Variants in TCEA1 observed in about 807,000 individuals in gnomAD.
TCEA1 encodes transcription elongation factor A protein 1.
In TCEA1, 21 loss-of-function variants were observed where a neutral mutation model predicts 43.8. That is an observed-to-expected ratio of 0.48 (90% CI 0.34 to 0.69). The LOEUF (loss-of-function observed/expected upper bound fraction) is 0.69, where lower values mean the gene tolerates loss of function less well. TCEA1 is among the 30% of genes least tolerant of loss of function. The pLI, the probability that TCEA1 is intolerant of heterozygous loss-of-function variation, is 0.01. For synonymous variants in TCEA1, 104 were observed against 117.5 expected, an observed-to-expected ratio of 0.88 and a Z score of 0.75; for missense variants, 250 against 365.1, an observed-to-expected ratio of 0.68 and a Z score of 2.57.
At chr8:53,977,225 CAGG>C (rs1190879282) in intron 8 of TCEA1, among the ~76,000 whole-genome samples, 5 of 152,148 alleles carry the variant, frequency 3.3e-5, no homozygotes, top group African/African-American at 7.2e-5. Flanking sequence ...GAGGCTGAGG[CAGG>C]AGAACGGCGT....
chr8:53,972,715 C>CTAT, intron 8 of TCEA1: 4 of 673,014 alleles, frequency 5.9e-6, no homozygotes, highest in South Asian at 5.4e-5. Context: ...GACTGGACCT[C>CTAT]TAGAGAAAAA....
intron 8 of TCEA1, chr8:53,973,307 T>C (rs1341912878): frequency 9.5e-6 from 5 of 524,058 alleles, no homozygotes; most frequent in African/African-American, 7.8e-5. Flanking sequence ...TGCAAAGAGA[T>C]GGTCAAGAAC....
intron 2 of TCEA1, among the ~76,000 whole-genome samples, chr8:54,001,384 G>A (rs930237872): frequency 6.6e-6 from 1 of 152,096 alleles, no homozygotes; most frequent in Admixed American, 6.6e-5. Context: ...AACAGATTCA[G>A]GATCTAAGTT....
chr8:54,004,137 G>A (rs1230361026), intron 2 of TCEA1, among the ~76,000 whole-genome samples: 2 of 152,148 alleles, frequency 1.3e-5, no homozygotes, highest in Non-Finnish European at 2.9e-5. Context: ...ACAACAACAA[G>A]TGTTTGCAAG....
At chr8:53,988,316 A>C in intron 4 of TCEA1, 57 bp from the exon 5 acceptor site, 1 of 1,572,922 alleles carries the variant, frequency 6.4e-7, no homozygotes, top group Non-Finnish European at 8.6e-7. Context: ...TCAAAGTAAC[A>C]ATACTACTAT....
chr8:53,982,293 G>A (rs1418072523), intron 7 of TCEA1, among the ~76,000 whole-genome samples: 2 of 152,016 alleles, frequency 1.3e-5, no homozygotes, highest in African/African-American at 4.8e-5. Flanking sequence ...ACTTTGAGGG[G>A]TTTGACTTCA....
At chr8:53,981,908 C>A (rs1027108013) in intron 7 of TCEA1, among the ~76,000 whole-genome samples, 1 of 151,020 alleles carries the variant, frequency 6.6e-6, no homozygotes, top group Non-Finnish European at 1.5e-5. Context: ...ACGCACCACA[C>A]CATGCCCAGC....
At chr8:53,984,791 G>A (rs948903470) in intron 6 of TCEA1, among the ~76,000 whole-genome samples, 5 of 151,842 alleles carry the variant, frequency 3.3e-5, no homozygotes, top group Non-Finnish European at 5.9e-5. Context: ...GCTGAGGCAG[G>A]ACAACCACTT....
intron 1 of TCEA1, 101 bp downstream of exon 1, chr8:54,021,962 G>T: frequency 1.7e-6 from 2 of 1,195,508 alleles, no homozygotes; most frequent in Non-Finnish European, 2.2e-6. Context: ...CCAGACGGGA[G>T]GCTGCAGGGG....
At chr8:53,970,142 AAC>A (rs1240066139) in intron 9 of TCEA1, 1 of 481,054 alleles carries the variant, frequency 2.1e-6, no homozygotes, top group African/African-American at 2.0e-5. Context: ...ATAATAATTG[AAC>A]AGTTAAGATT....
chr8:53,989,291 C>G (rs1803795020), intron 4 of TCEA1, among the ~76,000 whole-genome samples: 1 of 152,150 alleles, frequency 6.6e-6, no homozygotes, highest in African/African-American at 2.4e-5. Flanking sequence ...GTTGGATTAT[C>G]ACTAAAATGG....
At chr8:53,968,373 TA>T (rs78712518) in intron 9 of TCEA1, among the ~76,000 whole-genome samples, 30,360 of 118,214 alleles carry the variant, frequency 0.26, 4,250 homozygotes, top group East Asian at 0.74. Flanking sequence ...TTTTTAAGGT[TA>T]AAAAAAAAAA....
At chr8:53,978,444 G>A (rs1265414437) in intron 8 of TCEA1, 2 of 152,196 alleles carry the variant, frequency 1.3e-5, no homozygotes, top group African/African-American at 4.8e-5. Context: ...CATGAAGACA[G>A]CCTGTACCAT....
At chr8:54,020,021 G>A (rs898536194) in intron 1 of TCEA1, among the ~76,000 whole-genome samples, 1 of 152,174 alleles carries the variant, frequency 6.6e-6, no homozygotes, top group African/African-American at 2.4e-5. Flanking sequence ...CTGAAAATTT[G>A]TTGACGATTT....
chr8:54,006,562 C>G (rs73679589), intron 2 of TCEA1, among the ~76,000 whole-genome samples: 19,816 of 152,190 alleles, frequency 0.13, 3,408 homozygotes, highest in African/African-American at 0.4. Context: ...ATTAGAGATG[C>G]TCATAAATAT....
At chr8:53,998,769 A>G (rs951704633) in intron 3 of TCEA1, among the ~76,000 whole-genome samples, 2 of 152,214 alleles carry the variant, frequency 1.3e-5, no homozygotes, top group South Asian at 4.1e-4. Flanking sequence ...ACCAAAAACA[A>G]AGAAAAAGTA....
At chr8:54,002,196 G>A (rs1456973628) in intron 2 of TCEA1, among the ~76,000 whole-genome samples, 2 of 151,816 alleles carry the variant, frequency 1.3e-5, no homozygotes, top group Admixed American at 6.6e-5. Flanking sequence ...AAAAGGGCGG[G>A]TATGGTGGCT....
intron 2 of TCEA1, among the ~76,000 whole-genome samples, chr8:54,004,806 C>T (rs1274929120): frequency 6.6e-6 from 1 of 150,792 alleles, no homozygotes. Flanking sequence ...AAACATACAG[C>T]TACGTTTACT....
chr8:53,989,206 G>A (rs957610143), intron 4 of TCEA1, among the ~76,000 whole-genome samples: 3 of 152,194 alleles, frequency 2.0e-5, no homozygotes, highest in Admixed American at 1.3e-4. Context: ...ACATCACCTC[G>A]ATATGAACAT....
Sources: allele counts gnomAD v4.1 joint callset (sites outside exome capture counted in the v4.1 genomes callset), GRCh38; gene constraint gnomAD v4.1.1; transcripts MANE v1.5; gene names NCBI Gene and HGNC (gene_info 2026-07-23, HGNC 2026-07-21).